STAG1: variants seen among roughly 807,000 people sequenced by gnomAD.
The protein encoded by STAG1 is STAG1 cohesin complex component.
In STAG1, 26 loss-of-function variants were observed where a neutral mutation model predicts 170.9. The observed-to-expected ratio is 0.15, with a 90% CI of 0.11 to 0.21. The LOEUF (loss-of-function observed/expected upper bound fraction) is 0.21. Among genes scored for constraint, STAG1 ranks in the 10% least tolerant of loss-of-function variants. The pLI is 1.00. For synonymous variants in STAG1, 514 were observed against 497.7 expected (o/e 1.03, Z -0.44); for missense variants, 964 against 1,509.5 (o/e 0.64, Z 5.99).
chr3:136,422,630 A>C lies in STAG1; in HGVS notation c.1834-17T>G. 1 of 1,599,954 alleles carries C rather than the reference A, an allele frequency of 6.3e-7. No homozygotes were observed. The highest frequency in any genetic ancestry group is 8.5e-7 in the Non-Finnish European group (1 of 1,175,634). On this transcript the variant is annotated splice_polypyrimidine_tract_variant and intron_variant, in intron 18 of 33. Coordinates refer to ENST00000383202, the MANE Select transcript of STAG1 (RefSeq NM_005862.3). The stretch of plus-strand genomic sequence containing the variant: ...ATCCAGATGCTGAGGAGACAAAAAA[A>C]GAAAAACTGTAATATTTAGGTTAAC...
chr3:136,689,824 T>C (rs1349651056), intron 1 of STAG1, among the ~76,000 whole-genome samples: 2 of 151,950 alleles, frequency 1.3e-5, no homozygotes, highest in Non-Finnish European at 2.9e-5. Context: ...GCGGATCATA[T>C]GAAGTCAGAA....
intron 1 of STAG1, among the ~76,000 whole-genome samples, chr3:136,679,751 A>C: frequency 8.1e-6 from 1 of 123,238 alleles, no homozygotes; most frequent in South Asian, 2.5e-4. Context: ...AAAAAAAAAA[A>C]ATCAGCCGGG....
intron 6 of STAG1, among the ~76,000 whole-genome samples, chr3:136,541,116 GT>G (rs1935881764): frequency 6.6e-6 from 1 of 151,958 alleles, no homozygotes; most frequent in Admixed American, 6.6e-5. Flanking sequence ...GTCACACACT[GT>G]TTGTCTTAAC....
rs1489352780 is a variant in STAG1 at position 136,715,308 on chromosome 3, A to C, written c.-84+36887T>G. On this transcript the variant is annotated intron_variant, in intron 1 of 33. Transcript: ENST00000383202. The stretch of plus-strand genomic sequence containing the variant: ...GATGACAGGTATGAGCCACTGCACC[A>C]GGGCTAGTTTGTGTTTATAATAATT... 3.3e-5 allele frequency among the ~76,000 whole-genome samples: 5 copies of C among 151,324 alleles called. No homozygotes were observed. In the East Asian group the frequency reaches 1.0e-3, roughly 30 times the overall value.
At chr3:136,391,219 T>C (rs1481151274) in intron 22 of STAG1, among the ~76,000 whole-genome samples, 1 of 151,982 alleles carries the variant, frequency 6.6e-6, no homozygotes, top group African/African-American at 2.4e-5. Flanking sequence ...TATTGCAGTC[T>C]AGAATAGAAA....
chr3:136,605,355 G>A (rs931212579), intron 3 of STAG1, among the ~76,000 whole-genome samples: 23 of 152,034 alleles, frequency 1.5e-4, no homozygotes, highest in African/African-American at 5.1e-4. Flanking sequence ...AGGATCATTT[G>A]AAAAAATTGT....
chr3:136,580,745 G>A (rs371884303), intron 4 of STAG1, among the ~76,000 whole-genome samples: 10 of 151,506 alleles, frequency 6.6e-5, no homozygotes, highest in African/African-American at 2.2e-4. Context: ...TTGTTAGCCA[G>A]GATGGTCTCG....
chr3:136,467,686 C>A (rs1466669179), intron 12 of STAG1, among the ~76,000 whole-genome samples: 1 of 152,162 alleles, frequency 6.6e-6, no homozygotes, highest in East Asian at 1.9e-4. Context: ...AACTCTCCAC[C>A]CCAAATCAAC....
At chr3:136,494,711 A>T (rs1932981554) in intron 9 of STAG1, among the ~76,000 whole-genome samples, 1 of 152,212 alleles carries the variant, frequency 6.6e-6, no homozygotes, top group African/African-American at 2.4e-5. Context: ...CAGAAAAAAT[A>T]AAGAAATACA....
chr3:136,676,753 A>C (rs920946524), intron 1 of STAG1, among the ~76,000 whole-genome samples: 3 of 150,816 alleles, frequency 2.0e-5, no homozygotes, highest in African/African-American at 7.3e-5. Flanking sequence ...TTTGTTTTAC[A>C]TCCTTGTTCT....
intron 5 of STAG1, among the ~76,000 whole-genome samples, chr3:136,549,976 A>G (rs34967300): frequency 0.18 from 27,817 of 152,128 alleles, 2,773 homozygotes; most frequent in Middle Eastern, 0.23. Context: ...ATACCATATT[A>G]ATTGACTTTC....
chr3:136,427,143 C>T (rs922445587), intron 16 of STAG1, among the ~76,000 whole-genome samples: 1 of 149,968 alleles, frequency 6.7e-6, no homozygotes, highest in African/African-American at 2.5e-5. Flanking sequence ...GCAGGAGAAT[C>T]GCTTGAACCC....
At chr3:136,521,553 A>G (rs1934671215) in intron 6 of STAG1, 136 bp from the exon 7 acceptor site, 2 of 636,122 alleles carry the variant, frequency 3.1e-6, no homozygotes, top group South Asian at 4.2e-5. Context: ...TTCATAGCAC[A>G]TTTGATTGCT....
chr3:136,570,649 C>A (rs1937239856), intron 4 of STAG1, among the ~76,000 whole-genome samples: 1 of 152,254 alleles, frequency 6.6e-6, no homozygotes, highest in South Asian at 2.1e-4. Context: ...CTTCCACCAG[C>A]AATGTATGAC....
rs573070473 is a variant in STAG1, at chr3:136,545,932, T to TA, written c.395-3738dup. ...ACAAAAGATAAGTAAAACATTAAAG[T>TA]AAATGTTTTTAAAAATCACGTATTG... On this transcript the variant is annotated intron_variant, in intron 5 of 33. Coordinates refer to ENST00000383202, the MANE Select transcript of STAG1 (RefSeq NM_005862.3). Among the ~76,000 whole-genome samples, 255 of 152,256 alleles carry TA rather than the reference T, an allele frequency of 1.7e-3. 1 individual carries two copies. The highest frequency in any genetic ancestry group is 5.7e-3 in the African/African-American group (238 of 41,554).
At chr3:136,451,520 T>C (rs1038972024) in intron 14 of STAG1, among the ~76,000 whole-genome samples, 2 of 152,126 alleles carry the variant, frequency 1.3e-5, no homozygotes, top group African/African-American at 4.8e-5. Context: ...TCCCAGCACT[T>C]TGGGAGGCCA....
intron 14 of STAG1, among the ~76,000 whole-genome samples, chr3:136,451,817 T>C (rs1055609128): frequency 3.9e-5 from 6 of 151,988 alleles, no homozygotes; most frequent in Admixed American, 6.6e-5. Flanking sequence ...AGTTTAACAA[T>C]TGCCAGTCTG....
At chr3:136,672,262 A>G (rs1942000159) in intron 1 of STAG1, among the ~76,000 whole-genome samples, 1 of 152,260 alleles carries the variant, frequency 6.6e-6, no homozygotes, top group African/African-American at 2.4e-5. Flanking sequence ...TAAACACATC[A>G]GTTAAGATGG....
chr3:136,473,699 C>G lies in STAG1; in HGVS notation c.1027-62G>C, dbSNP rs530754175. On this transcript the variant is annotated intron_variant, in intron 10 of 33. Transcript: ENST00000383202. The stretch of plus-strand genomic sequence containing the variant: ...CAATTCCATACTACAATTTTCAAGT[C>G]TATATGAAGACTAAAATTTAGCTTA... 4.8e-6 allele frequency: 6 copies of G among 1,244,528 alleles called. No individual in the cohort carries two copies. The African/African-American group carries it at 8.9e-5, about 19-fold the overall frequency. The allele number at this position is 1,244,528 out of a possible 1,614,324, so 77.1% of individuals were successfully genotyped here.
Sources: allele counts gnomAD v4.1 joint callset (sites outside exome capture counted in the v4.1 genomes callset), GRCh38; gene constraint gnomAD v4.1.1; transcripts MANE v1.5; gene names NCBI Gene and HGNC (gene_info 2026-07-23, HGNC 2026-07-21).